Variants in CDC42BPA observed in about 807,000 individuals in gnomAD.
The protein encoded by CDC42BPA is CDC42 binding protein kinase alpha.
In CDC42BPA, 80 loss-of-function variants were observed where a neutral mutation model predicts 223.5. That is an observed-to-expected ratio of 0.36 (90% confidence interval 0.30 to 0.43). The LOEUF is 0.43. Ranked by LOEUF, CDC42BPA falls within the 20% of genes least tolerant of loss-of-function variation. The pLI is 1.00. For missense variants in CDC42BPA, 1,743 were observed against 2,099.9 expected (o/e 0.83, Z 3.32); for synonymous variants, 694 against 718.6 (o/e 0.97, Z 0.55).
intron 35 of CDC42BPA, among the ~76,000 whole-genome samples, chr1:226,998,184 AG>A (rs1179608404): frequency 1.3e-5 from 2 of 152,234 alleles, no homozygotes; most frequent in Admixed American, 6.5e-5. Context: ...GCTTATGGAT[AG>A]GAAGAATCAA....
At chr1:227,009,865 A>C (rs1558272711) in intron 34 of CDC42BPA, among the ~76,000 whole-genome samples, 2 of 152,214 alleles carry the variant, frequency 1.3e-5, no homozygotes, top group Non-Finnish European at 2.9e-5. Context: ...AACATTTAAA[A>C]CATTATAATT....
chr1:226,994,412 A>C lies in CDC42BPA; in HGVS notation c.5134-13T>G. ...GAGAGTCAGAGTCCTGTAAGGCCCA[A>C]AGTAAAACATTAATGAGAAGGAGGG... On this transcript the variant is annotated splice_polypyrimidine_tract_variant and intron_variant, in intron 36 of 36. Coordinates refer to ENST00000366766, the MANE Select transcript of CDC42BPA (RefSeq NM_001394014.1). The surrounding 1 kb of genome is among the most constrained non-coding windows in gnomAD (Gnocchi z 4.0). 6.7e-7 allele frequency: 1 copy of C among 1,500,952 alleles called. No individual in the cohort carries two copies. The highest frequency in any genetic ancestry group is 8.9e-7 in the Non-Finnish European group (1 of 1,121,184). The allele number at this position is 1,500,952 out of a possible 1,614,324, so 93.0% of individuals were successfully genotyped here. A position where few individuals can be genotyped will look rare whatever the true frequency, so the allele number is the denominator to read the frequency against.
intron 2 of CDC42BPA, among the ~76,000 whole-genome samples, chr1:227,223,444 A>G (rs1676290813): frequency 6.6e-6 from 1 of 152,238 alleles, no homozygotes; most frequent in Non-Finnish European, 1.5e-5. Flanking sequence ...TTCTGCGCAG[A>G]TAGTTTTAGC....
intron 5 of CDC42BPA, chr1:227,180,546 T>G (rs1334752474): frequency 1.3e-5 from 2 of 152,164 alleles, no homozygotes; most frequent in African/African-American, 2.4e-5. Context: ...GTTTAAATGG[T>G]GATATTGTAG....
intron 33 of CDC42BPA, among the ~76,000 whole-genome samples, chr1:227,016,529 T>G (rs1242215563): frequency 1.3e-5 from 2 of 152,310 alleles, no homozygotes; most frequent in East Asian, 3.9e-4. Context: ...CGGTCTTATA[T>G]ATAACTGTAA....
chr1:227,142,473 C>T (rs891548842), intron 9 of CDC42BPA, among the ~76,000 whole-genome samples: 2 of 152,110 alleles, frequency 1.3e-5, no homozygotes, highest in African/African-American at 2.4e-5. Flanking sequence ...GATTTTCATG[C>T]GTTCTATTCA....
intron 1 of CDC42BPA, among the ~76,000 whole-genome samples, chr1:227,260,733 G>A (rs1385731684): frequency 2.0e-5 from 3 of 150,936 alleles, no homozygotes; most frequent in Non-Finnish European, 2.9e-5. Context: ...CTTCTCTTTC[G>A]TCTCGAATTT....
chr1:227,111,380 CT>C (rs886893803), intron 14 of CDC42BPA, among the ~76,000 whole-genome samples: 5 of 152,198 alleles, frequency 3.3e-5, no homozygotes, highest in Non-Finnish European at 7.3e-5. Flanking sequence ...TACTATTATA[CT>C]AACAGTTACT....
At position 227,103,814 on chromosome 1, in the gene CDC42BPA, T is replaced by C. The variant is rs146510545; in HGVS notation, c.2002-2575A>G. Among the ~76,000 whole-genome samples, 15 of 152,098 alleles carry C rather than the reference T, an allele frequency of 9.9e-5. No individual in the cohort carries two copies. The East Asian group carries it at 1.7e-3, about 18-fold the overall frequency. ...ACCATTTAGCAAAACAAACTCCTAA[T>C]AGATTAAACAGTTAATTATTTTTAG... is the stretch of plus-strand genomic sequence containing the variant. On this transcript the variant is annotated intron_variant, in intron 14 of 36. Coordinates refer to ENST00000366766, the MANE Select transcript of CDC42BPA (RefSeq NM_001394014.1).
Position 227,034,794 on chromosome 1 carries a change from T to A in CDC42BPA, c.3337A>T (p.Ile1113Phe). Residue 1113 changes from isoleucine (I) to phenylalanine (F), a missense_variant and splice_region_variant, in exon 26 of 37, where the codon ATT becomes TTT. Around this residue, in one of 6 missense-constraint regions of CDC42BPA, gnomAD observed 678 missense variants for 777.5 expected, o/e 0.87. Coordinates refer to ENST00000366766, the MANE Select transcript of CDC42BPA (RefSeq NM_001394014.1). Reference protein sequence around the residue: ...IGTAYEGHVRIPKPAGVKKGW... With the variant: ...IGTAYEGHVRFPKPAGVKKGW... ...TTCTTCACTCCAGCTGGCTTAGGAATCTTAGTTTTGTTTTAGACAGACAAA... is the reference window on the plus strand; with the variant it reads ...TTCTTCACTCCAGCTGGCTTAGGAAACTTAGTTTTGTTTTAGACAGACAAA... 6.5e-7 allele frequency: 1 copy of A among 1,538,582 alleles called. No individual in the cohort carries two copies. Among genetic ancestry groups the A allele is most frequent in the East Asian group, 2.4e-5 (1 of 42,534 alleles).
At chr1:227,268,842 C>T (rs1685513214) in intron 1 of CDC42BPA, among the ~76,000 whole-genome samples, 4 of 150,188 alleles carry the variant, frequency 2.7e-5, no homozygotes, top group Non-Finnish European at 5.9e-5. Flanking sequence ...CATGCTACTA[C>T]GCCTGGCTAA....
intron 2 of CDC42BPA, among the ~76,000 whole-genome samples, chr1:227,227,058 T>C (rs1166705019): frequency 6.6e-6 from 1 of 152,056 alleles, no homozygotes; most frequent in Non-Finnish European, 1.5e-5. Context: ...TTATTTTTGG[T>C]AGAAGACACA....
rs543538648 is a variant in CDC42BPA at position 227,171,785 on chromosome 1, T to C, written c.600-11149A>G. Reference sequence around the variant, plus strand: ...CATTAGTTAATCTATATAGTTTCAATTCTGGCTGGACACTGAATTCAACTA... The same window carrying C: ...CATTAGTTAATCTATATAGTTTCAACTCTGGCTGGACACTGAATTCAACTA... On this transcript the variant is annotated intron_variant, in intron 5 of 36. Coordinates refer to ENST00000366766, the MANE Select transcript of CDC42BPA (RefSeq NM_001394014.1). 3.3e-5 allele frequency among the ~76,000 whole-genome samples: 5 copies of C among 152,266 alleles called. No homozygotes were observed. In the South Asian group the frequency reaches 8.3e-4, roughly 25 times the overall value.
chr1:227,196,998 T>C (rs1670871275), intron 4 of CDC42BPA, among the ~76,000 whole-genome samples: 1 of 152,198 alleles, frequency 6.6e-6, no homozygotes, highest in South Asian at 2.1e-4. Flanking sequence ...AATCACATAA[T>C]AATATCTACC....
intron 2 of CDC42BPA, chr1:227,234,475 G>T (rs928901104): frequency 6.6e-6 from 1 of 152,242 alleles, no homozygotes; most frequent in Non-Finnish European, 1.5e-5. Flanking sequence ...TTTCTGACCA[G>T]GTGTACATTT....
intron 1 of CDC42BPA, among the ~76,000 whole-genome samples, chr1:227,311,841 C>T (rs1169329242): frequency 1.3e-5 from 2 of 152,114 alleles, no homozygotes; most frequent in Non-Finnish European, 2.9e-5. Context: ...TTTCTCCCTC[C>T]CCCATGTCTC....
chr1:227,174,218 T>C (rs530714262), intron 5 of CDC42BPA, among the ~76,000 whole-genome samples: 2 of 152,290 alleles, frequency 1.3e-5, no homozygotes, highest in East Asian at 1.9e-4. Flanking sequence ...TATTCTTTAA[T>C]AGTTTCACAA....
intron 14 of CDC42BPA, among the ~76,000 whole-genome samples, chr1:227,106,149 T>C (rs1410414992): frequency 6.6e-6 from 1 of 152,180 alleles, no homozygotes. Flanking sequence ...ACATATGAAG[T>C]GGTATCTCAT....
At chr1:227,287,651 A>C (rs1406076878) in intron 1 of CDC42BPA, among the ~76,000 whole-genome samples, 1 of 152,184 alleles carries the variant, frequency 6.6e-6, no homozygotes, top group Non-Finnish European at 1.5e-5. Flanking sequence ...GGCTAGGCAG[A>C]GGGTTCCTAC....
Sources: allele counts gnomAD v4.1 joint callset (sites outside exome capture counted in the v4.1 genomes callset), GRCh38; gene constraint gnomAD v4.1.1; regional missense constraint gnomAD v4.1.1; non-coding constraint Gnocchi (gnomAD v3.1); transcripts MANE v1.5; gene names NCBI Gene and HGNC (gene_info 2026-07-23, HGNC 2026-07-21).